The following PARP8 variants were observed in gnomAD, a reference collection of about 807,000 sequenced individuals.
PARP8 encodes the protein protein mono-ADP-ribosyltransferase PARP8.
A neutral mutation model predicts 124.1 loss-of-function variants in PARP8; 51 were observed. The observed-to-expected ratio is 0.41, with a 90% confidence interval of 0.33 to 0.52. The LOEUF (loss-of-function observed/expected upper bound fraction) is 0.52, where lower values mean the gene tolerates loss of function less well. Ranked by LOEUF, PARP8 falls within the 20% of genes least tolerant of loss-of-function variation. The pLI is 0.21. For synonymous variants in PARP8, 391 were observed against 361.5 expected (o/e 1.08, Z -0.93); for missense variants, 860 against 1,018.9 (o/e 0.84, Z 2.12).
At chr5:50,783,330 G>A (rs1349715201) in intron 9 of PARP8, among the ~76,000 whole-genome samples, 1 of 152,110 alleles carries the variant, frequency 6.6e-6, no homozygotes, top group African/African-American at 2.4e-5. Context: ...AGTTGGCAAG[G>A]GACCTGTGGA....
At chr5:50,683,109 A>T (rs1751474100) in intron 2 of PARP8, among the ~76,000 whole-genome samples, 1 of 152,162 alleles carries the variant, frequency 6.6e-6, no homozygotes. Context: ...AGCGAGTGAG[A>T]TGAGTTCCCA....
At chr5:50,835,920 T>C (rs1184728533) in intron 25 of PARP8, among the ~76,000 whole-genome samples, 1 of 152,198 alleles carries the variant, frequency 6.6e-6, no homozygotes. Flanking sequence ...ACCTTATCCA[T>C]GATCTTGTCA....
At chr5:50,808,827 C>T (rs1744137942) in intron 14 of PARP8, among the ~76,000 whole-genome samples, 2 of 151,860 alleles carry the variant, frequency 1.3e-5, no homozygotes, top group African/African-American at 4.8e-5. Context: ...TAGGTATGTC[C>T]CATTTTACCT....
chr5:50,760,725 G>T (rs751857062), intron 5 of PARP8, among the ~76,000 whole-genome samples: 9 of 152,132 alleles, frequency 5.9e-5, no homozygotes, highest in Non-Finnish European at 8.8e-5. Flanking sequence ...AATTTTAAAA[G>T]ATGATTTCTT....
intron 2 of PARP8, among the ~76,000 whole-genome samples, chr5:50,724,017 T>C (rs1756168117): frequency 6.6e-6 from 1 of 152,098 alleles, no homozygotes; most frequent in South Asian, 2.1e-4. Flanking sequence ...AGAGAGGGTC[T>C]TGCTGCATTC....
intron 2 of PARP8, among the ~76,000 whole-genome samples, chr5:50,687,131 G>A (rs1447795139): frequency 6.6e-6 from 1 of 152,064 alleles, no homozygotes; most frequent in African/African-American, 2.4e-5. Flanking sequence ...TTATAAAACT[G>A]AATGCCTTTA....
intron 2 of PARP8, among the ~76,000 whole-genome samples, chr5:50,736,952 C>T (rs1446857506): frequency 6.6e-6 from 1 of 152,102 alleles, no homozygotes; most frequent in Non-Finnish European, 1.5e-5. Context: ...ATTAACTTTT[C>T]CTCTGAAATT....
intron 7 of PARP8, among the ~76,000 whole-genome samples, chr5:50,776,741 A>C (rs1328020311): frequency 1.7e-4 from 26 of 152,180 alleles, no homozygotes; most frequent in Non-Finnish European, 3.8e-4. Flanking sequence ...AAATCACATA[A>C]AATTTTTCAA....
intron 2 of PARP8, among the ~76,000 whole-genome samples, chr5:50,722,061 T>C (rs1755946507): frequency 6.6e-6 from 1 of 152,124 alleles, no homozygotes; most frequent in South Asian, 2.1e-4. Context: ...GTGTGTCCAA[T>C]TAAAATATGT....
intron 2 of PARP8, among the ~76,000 whole-genome samples, chr5:50,671,990 C>T (rs571002524): frequency 5.3e-5 from 8 of 152,108 alleles, no homozygotes; most frequent in Non-Finnish European, 1.2e-4. Context: ...ATAAATAGCA[C>T]GCGTGACACT....
chr5:50,678,146 A>G (rs1313437766), intron 2 of PARP8, among the ~76,000 whole-genome samples: 2 of 152,150 alleles, frequency 1.3e-5, no homozygotes, highest in African/African-American at 2.4e-5. Context: ...ATACTAAACA[A>G]AAAGTAATTA....
intron 2 of PARP8, among the ~76,000 whole-genome samples, chr5:50,688,608 G>A (rs1561246568): frequency 6.6e-6 from 1 of 152,118 alleles, no homozygotes; most frequent in Non-Finnish European, 1.5e-5. Flanking sequence ...CACATATATG[G>A]CTTAAAATAT....
intron 25 of PARP8, 104 bp downstream of exon 25, chr5:50,835,119 T>C: frequency 1.2e-6 from 1 of 825,070 alleles, no homozygotes; most frequent in Non-Finnish European, 2.0e-6. Context: ...ATATAACAGG[T>C]AATTGAGTTT....
chr5:50,790,690 A>G (rs575585247), intron 10 of PARP8, among the ~76,000 whole-genome samples: 19 of 152,314 alleles, frequency 1.2e-4, no homozygotes, highest in African/African-American at 2.6e-4. Flanking sequence ...GAAATCATGT[A>G]TATAATCCCA....
At chr5:50,754,148 T>TACACAC (rs1408563437) in intron 3 of PARP8, among the ~76,000 whole-genome samples, 20 of 22,414 alleles carry the variant, frequency 8.9e-4, no homozygotes, top group Admixed American at 1.3e-3. Flanking sequence ...TATATATATA[T>TACACAC]ATACACACAC....
At chr5:50,817,605 A>C (rs1350943934) in intron 15 of PARP8, among the ~76,000 whole-genome samples, 1 of 152,154 alleles carries the variant, frequency 6.6e-6, no homozygotes, top group Non-Finnish European at 1.5e-5. Context: ...CCCAAATACT[A>C]CTTCAACAGA....
chr5:50,747,511 T>C (rs1485158750), intron 2 of PARP8, among the ~76,000 whole-genome samples: 1 of 152,010 alleles, frequency 6.6e-6, no homozygotes, highest in Non-Finnish European at 1.5e-5. Flanking sequence ...TTGTTCATTT[T>C]TCCTCTATTT....
intron 2 of PARP8, among the ~76,000 whole-genome samples, chr5:50,722,008 T>C (rs1691813957): frequency 6.6e-6 from 1 of 152,134 alleles, no homozygotes; most frequent in Admixed American, 6.6e-5. Context: ...ACTAAGTAGC[T>C]GAACCAAATT....
At chr5:50,751,517 GT>G (rs1035239916) in intron 3 of PARP8, among the ~76,000 whole-genome samples, 3 of 152,060 alleles carry the variant, frequency 2.0e-5, no homozygotes, top group African/African-American at 7.2e-5. Flanking sequence ...GTGCATTCTG[GT>G]TTAAATACCG....
Sources: gnomAD v4.1 joint callset for allele counts (sites outside exome capture counted in the v4.1 genomes callset) on GRCh38, gnomAD v4.1.1 for gene constraint, MANE v1.5 for transcripts, NCBI Gene and HGNC (gene_info 2026-07-23, HGNC 2026-07-21) for gene names.